Variants in RYR2 observed in about 807,000 individuals in gnomAD.
RYR2 encodes the protein ryanodine receptor 2, also known as cardiac muscle ryanodine receptor-calcium release channel.
RYR2 carries 227 observed loss-of-function variants against 601.1 expected under a neutral mutation model. The observed-to-expected ratio is 0.38, with a 90% CI of 0.34 to 0.42. RYR2 has a LOEUF of 0.42. RYR2 is among the 10% of genes least tolerant of loss of function. The pLI, the probability that RYR2 is intolerant of heterozygous loss-of-function variation, is 1.00. For synonymous variants in RYR2, 2,223 were observed against 2,175.1 expected (o/e 1.02, Z -0.61); for missense variants, 4,646 against 6,156.5 (o/e 0.75, Z 8.21).
intron 35 of RYR2, among the ~76,000 whole-genome samples, chr1:237,606,602 A>C (rs1417519282): frequency 6.6e-6 from 1 of 152,246 alleles, no homozygotes; most frequent in African/African-American, 2.4e-5. Flanking sequence ...TCTGCACAGC[A>C]AAAGAAACTA....
chr1:237,092,067 C>T (rs937671607), intron 1 of RYR2, among the ~76,000 whole-genome samples: 7 of 152,162 alleles, frequency 4.6e-5, no homozygotes, highest in African/African-American at 9.7e-5. Context: ...CATACGGATA[C>T]AGCTGGAATG....
chr1:237,512,686 T>C (rs1396918241), intron 24 of RYR2, among the ~76,000 whole-genome samples: 1 of 152,156 alleles, frequency 6.6e-6, no homozygotes, highest in East Asian at 1.9e-4. Flanking sequence ...CATCCTGGGC[T>C]ACATAGTGAG....
At chr1:237,323,051 A>C (rs909207369) in intron 2 of RYR2, among the ~76,000 whole-genome samples, 3 of 151,838 alleles carry the variant, frequency 2.0e-5, no homozygotes, top group African/African-American at 7.3e-5. Flanking sequence ...AGACTCCATA[A>C]CTCTTCAAAT....
intron 1 of RYR2, among the ~76,000 whole-genome samples, chr1:237,054,940 TCAGGAGCCTC>T (rs1489891791): frequency 8.1e-4 from 123 of 152,232 alleles, no homozygotes; most frequent in African/African-American, 2.9e-3. Context: ...TGTTCTATGT[TCAGGAGCCTC>T]CTACTCTAGA....
At chr1:237,495,408 G>A (rs551678156) in intron 19 of RYR2, among the ~76,000 whole-genome samples, 10 of 152,154 alleles carry the variant, frequency 6.6e-5, no homozygotes, top group South Asian at 2.1e-4. Context: ...TTTTTCTTTC[G>A]CTCCTTTTGA....
At chr1:237,415,904 C>A (rs766340123) in intron 10 of RYR2, among the ~76,000 whole-genome samples, 1 of 152,150 alleles carries the variant, frequency 6.6e-6, no homozygotes, top group Non-Finnish European at 1.5e-5. Flanking sequence ...ACAGGTAAAA[C>A]GCGGTTGTCC....
intron 24 of RYR2, among the ~76,000 whole-genome samples, chr1:237,522,956 T>C (rs535854580): frequency 4.0e-5 from 6 of 150,878 alleles, no homozygotes; most frequent in South Asian, 2.1e-4. Context: ...TTCCAACTTA[T>C]AGTGTGCTGT....
intron 64 of RYR2, among the ~76,000 whole-genome samples, chr1:237,699,532 T>C (rs1279604618): frequency 1.3e-5 from 2 of 152,194 alleles, no homozygotes; most frequent in African/African-American, 4.8e-5. Context: ...AAATACAAAA[T>C]CAGTTCATTT....
chr1:237,184,948 C>G (rs1467220948), intron 1 of RYR2, among the ~76,000 whole-genome samples: 6 of 151,556 alleles, frequency 4.0e-5, no homozygotes, highest in East Asian at 1.9e-4. Context: ...CAGCTCACAG[C>G]AGCCTCAAAC....
intron 80 of RYR2, among the ~76,000 whole-genome samples, chr1:237,748,514 G>A (rs1275590655): frequency 1.3e-5 from 2 of 152,200 alleles, no homozygotes; most frequent in Non-Finnish European, 2.9e-5. Context: ...TCTCCTTGGT[G>A]AGTGGTAATG....
At chr1:237,693,154 G>A (rs1049626447) in intron 63 of RYR2, among the ~76,000 whole-genome samples, 16 of 151,400 alleles carry the variant, frequency 1.1e-4, no homozygotes, top group Non-Finnish European at 2.4e-4. Flanking sequence ...TTTTGCTTAA[G>A]AGATTATTAA....
chr1:237,579,064 C>T (rs1365302047), intron 29 of RYR2, among the ~76,000 whole-genome samples: 1 of 152,056 alleles, frequency 6.6e-6, no homozygotes, highest in African/African-American at 2.4e-5. Context: ...CCAACCAGTG[C>T]CTTTCATTCT....
intron 53 of RYR2, among the ~76,000 whole-genome samples, chr1:237,657,107 T>C (rs1035685694): frequency 6.6e-5 from 10 of 152,314 alleles, no homozygotes; most frequent in Middle Eastern, 3.4e-3. Context: ...TACCTAGGCT[T>C]GCCCCTTTGG....
At chr1:237,414,433 T>C (rs1209869933) in intron 10 of RYR2, among the ~76,000 whole-genome samples, 1 of 152,156 alleles carries the variant, frequency 6.6e-6, no homozygotes, top group East Asian at 1.9e-4. Flanking sequence ...TAAGATGTGG[T>C]CACTTAGAAA....
chr1:237,558,141 C>A (rs914271979), intron 27 of RYR2, among the ~76,000 whole-genome samples: 3 of 152,060 alleles, frequency 2.0e-5, no homozygotes, highest in African/African-American at 7.2e-5. Flanking sequence ...AGGGATTGGC[C>A]TCCTGTAAAA....
chr1:237,226,262 AT>A (rs897980415), intron 1 of RYR2, among the ~76,000 whole-genome samples: 9 of 152,126 alleles, frequency 5.9e-5, no homozygotes, highest in African/African-American at 2.2e-4. Context: ...ATTGCTGCGT[AT>A]TTCGCCTCTC....
At chr1:237,760,361 T>TTA (rs1553313601) in intron 83 of RYR2, among the ~76,000 whole-genome samples, 8 of 100,130 alleles carry the variant, frequency 8.0e-5, no homozygotes, top group Non-Finnish European at 1.5e-4. Flanking sequence ...GTCGCTAATT[T>TTA]AAAAAAAAAA....
At chr1:237,259,365 A>C (rs1367206918) in intron 1 of RYR2, among the ~76,000 whole-genome samples, 1 of 151,964 alleles carries the variant, frequency 6.6e-6, no homozygotes, top group African/African-American at 2.4e-5. Context: ...AAAATTAGCC[A>C]GGCATGGTGC....
At chr1:237,194,579 A>G (rs1680349143) in intron 1 of RYR2, among the ~76,000 whole-genome samples, 1 of 152,164 alleles carries the variant, frequency 6.6e-6, no homozygotes. Flanking sequence ...AGTTAAGGAA[A>G]TCAATACTGA....
Sources: gnomAD v4.1 joint callset for allele counts (sites outside exome capture counted in the v4.1 genomes callset) on GRCh38, gnomAD v4.1.1 for gene constraint, MANE v1.5 for transcripts, NCBI Gene and HGNC (gene_info 2026-07-23, HGNC 2026-07-21) for gene names.